The following DPYSL2 variants were observed in gnomAD, a reference collection of about 807,000 sequenced individuals.
The protein encoded by DPYSL2 is dihydropyrimidinase-related protein 2.
A neutral mutation model predicts 69.9 loss-of-function variants in DPYSL2; 13 were observed. The observed-to-expected ratio is 0.19, with a 90% CI of 0.12 to 0.30. The LOEUF is 0.30. DPYSL2 is among the 10% of genes least tolerant of loss of function. The pLI, the probability that DPYSL2 is intolerant of heterozygous loss-of-function variation, is 1.00. For missense variants in DPYSL2, 587 were observed against 918.9 expected, an observed-to-expected ratio of 0.64 and a Z score of 4.67; for synonymous variants, 326 against 359.1, an observed-to-expected ratio of 0.91 and a Z score of 1.04.
rs115790566 is a variant in DPYSL2 at position 26,650,007 on chromosome 8, A to C, written c.1596+2207A>C. Among the ~76,000 whole-genome samples, 309 of 152,350 alleles carry C rather than the reference A, an allele frequency of 2.0e-3. 1 individual carries two copies. The highest frequency in any genetic ancestry group is 7.0e-3 in the African/African-American group (291 of 41,586). ...ATTTATAAGCAACAAGACTCAACGC[A>C]TGCATTGTGTGAGATCTTGGATGCT... On this transcript the variant is annotated intron_variant, in intron 11 of 13. Coordinates refer to ENST00000521913, the MANE Select transcript of DPYSL2 (RefSeq NM_001197293.3). This position sits in a 1 kb window ranked among gnomAD's most constrained non-coding sequence, Gnocchi z 5.3.
At position 26,586,707 on chromosome 8, in the gene DPYSL2, C is replaced by A. The variant is rs1031005296; in HGVS notation, c.628+2724C>A. On this transcript the variant is annotated intron_variant, in intron 3 of 13. Transcript: ENST00000521913. The surrounding 1 kb of genome is among the most constrained non-coding windows in gnomAD (Gnocchi z 4.7). Reference sequence around the variant, plus strand: ...GGGACATCCCCCTCTGAGTGCAGCACCTGGCCCAGGGAGCTCAGAAGAGTC... The same window carrying A: ...GGGACATCCCCCTCTGAGTGCAGCAACTGGCCCAGGGAGCTCAGAAGAGTC... Among the ~76,000 whole-genome samples, 1 of 152,210 alleles carries A rather than the reference C, an allele frequency of 6.6e-6. No homozygotes were observed. The highest frequency in any genetic ancestry group is 6.5e-5 in the Admixed American group (1 of 15,290).
At chr8:26,595,376 G>C (rs1469406258) in intron 3 of DPYSL2, among the ~76,000 whole-genome samples, 2 of 151,976 alleles carry the variant, frequency 1.3e-5, no homozygotes, top group African/African-American at 4.8e-5. Context: ...AACACATCTG[G>C]CCCTGCAGAT....
rs384908 is a variant in DPYSL2 at position 26,585,409 on chromosome 8, C to T, written c.628+1426C>T. Among the ~76,000 whole-genome samples the T allele has an allele frequency of 0.51, 77,581 of 151,986 alleles. 20,897 individuals are homozygous for T. The highest frequency in any genetic ancestry group is 0.68 in the African/African-American group (28,202 of 41,440). ...TCCTCTGGCGTTCTCTCTGTCCTGG[C>T]CCTCAGGGTCTGAAGCATCAGGAAC... On this transcript the variant is annotated intron_variant, in intron 3 of 13. Coordinates refer to ENST00000521913, the MANE Select transcript of DPYSL2 (RefSeq NM_001197293.3). The surrounding 1 kb of genome is among the most constrained non-coding windows in gnomAD (Gnocchi z 4.0).
At chr8:26,639,330 T>C (rs964069548) in intron 8 of DPYSL2, among the ~76,000 whole-genome samples, 7 of 152,350 alleles carry the variant, frequency 4.6e-5, no homozygotes, top group South Asian at 4.1e-4. Flanking sequence ...ATGGCAAGTC[T>C]GAAATCTGCA....
In DPYSL2 at chr8:26,568,763, G is replaced by A. The variant is rs539366749; in HGVS notation, c.355-13206G>A. ...GAGTTCATAGTTACCCCTTTTCCTT[G>A]GCCGTTTTCAGAATCGACACAGATT... On this transcript the variant is annotated intron_variant, in intron 1 of 13. Transcript: ENST00000521913. Among the ~76,000 whole-genome samples the A allele has an allele frequency of 1.6e-3, 206 of 130,216 alleles. 2 individuals carry two copies. The East Asian group carries it at 0.036, about 23-fold the overall frequency. The allele number at this position is 130,216 out of a possible 152,430, so 85.4% of individuals were successfully genotyped here.
chr8:26,631,764 A>G lies in DPYSL2; in HGVS notation c.1006-3016A>G, dbSNP rs1802780204. ...AGCCATATGACAGCCCAGTGAGGCG[A>G]GGAGGGGGGATGCAGGGGGTTTGAA... is the stretch of plus-strand genomic sequence containing the variant. On this transcript the variant is annotated intron_variant, in intron 7 of 13. Coordinates refer to ENST00000521913, the MANE Select transcript of DPYSL2 (RefSeq NM_001197293.3). Among the ~76,000 whole-genome samples the G allele has an allele frequency of 2.0e-5, 3 of 151,970 alleles. No individual in the cohort carries two copies. The South Asian group carries it at 6.2e-4, about 32-fold the overall frequency.
At chr8:26,618,303 G>A (rs1212491538) in intron 3 of DPYSL2, among the ~76,000 whole-genome samples, 1 of 131,632 alleles carries the variant, frequency 7.6e-6, no homozygotes, top group African/African-American at 2.7e-5. Context: ...TGCATGGTAT[G>A]TGGTTTTACG....
chr8:26,577,988 TCTC>T, intron 1 of DPYSL2: 1 of 1,305,570 alleles, frequency 7.7e-7, no homozygotes, highest in African/African-American at 1.7e-5. Context: ...TGTTTCTCTC[TCTC>T]CTTCTCTCTC....
Position 26,627,792 on chromosome 8 carries a change from A to T in DPYSL2, c.937-80A>T. The T allele has an allele frequency of 7.1e-7, 1 of 1,415,544 alleles. No individual in the cohort carries two copies. Among genetic ancestry groups the T allele is most frequent in the Non-Finnish European group, 9.8e-7 (1 of 1,019,300 alleles). 87.7% of individuals were successfully genotyped at this position (1,415,544 alleles called of 1,614,324 possible). A position where few individuals can be genotyped will look rare whatever the true frequency, so the allele number is the denominator to read the frequency against. ...GGTAATTTTCCATCTTGCCCGGATAACTGCATGCCCGGGCCTCTGCCATCA... is the reference window on the plus strand; with the variant it reads ...GGTAATTTTCCATCTTGCCCGGATATCTGCATGCCCGGGCCTCTGCCATCA... On this transcript the variant is annotated intron_variant, in intron 6 of 13. Transcript: ENST00000521913. The surrounding 1 kb of genome is among the most constrained non-coding windows in gnomAD (Gnocchi z 6.9).
At chr8:26,532,937 C>T (rs1033750385) in intron 1 of DPYSL2, among the ~76,000 whole-genome samples, 2 of 152,116 alleles carry the variant, frequency 1.3e-5, no homozygotes, top group Non-Finnish European at 2.9e-5. Context: ...TGAGGAACTG[C>T]CAAACTGTTT....
intron 7 of DPYSL2, among the ~76,000 whole-genome samples, chr8:26,631,590 G>A (rs1802775758): frequency 6.6e-6 from 1 of 152,204 alleles, no homozygotes; most frequent in Non-Finnish European, 1.5e-5. Flanking sequence ...ATTAGGCCCA[G>A]CAGCTGTTGC....
chr8:26,589,523 A>G (rs1209348564), intron 3 of DPYSL2, among the ~76,000 whole-genome samples: 6 of 152,228 alleles, frequency 3.9e-5, no homozygotes, highest in Admixed American at 3.9e-4. Flanking sequence ...TGATGCCAAG[A>G]GACTTAGTGT....
intron 3 of DPYSL2, among the ~76,000 whole-genome samples, chr8:26,595,308 A>AT (rs573304221): frequency 2.3e-4 from 34 of 149,454 alleles, no homozygotes; most frequent in Middle Eastern, 3.4e-3. Context: ...ACTTTTCGCT[A>AT]TTTTTTTTTT....
At chr8:26,555,721 C>CA (rs777981972) in intron 1 of DPYSL2, among the ~76,000 whole-genome samples, 180 of 150,706 alleles carry the variant, frequency 1.2e-3, no homozygotes, top group Non-Finnish European at 2.1e-3. Context: ...CTCATCTCTA[C>CA]AAAAAAATAC....
chr8:26,579,467 T>C (rs1563394705), intron 1 of DPYSL2, among the ~76,000 whole-genome samples: 1 of 152,228 alleles, frequency 6.6e-6, no homozygotes, highest in Non-Finnish European at 1.5e-5. Context: ...GGGTAGAACC[T>C]AGGACTGAGG....
chr8:26,537,535 A>T (rs1464158550), intron 1 of DPYSL2, among the ~76,000 whole-genome samples: 1 of 151,892 alleles, frequency 6.6e-6, no homozygotes, highest in Non-Finnish European at 1.5e-5. Flanking sequence ...AATGATGCAG[A>T]ATTTTTGTAG....
Position 26,644,301 on chromosome 8 carries a change from T to G in DPYSL2, c.1425+210T>G, listed in dbSNP as rs1803114455. ...CCTAAATATTACATATATATTTCTT[T>G]TTAAAACAATTTTTAAATTTTTTTC... On this transcript the variant is annotated intron_variant, in intron 10 of 13. Coordinates refer to ENST00000521913, the MANE Select transcript of DPYSL2 (RefSeq NM_001197293.3). The surrounding 1 kb of genome is among the most constrained non-coding windows in gnomAD (Gnocchi z 4.5). 6.6e-6 allele frequency among the ~76,000 whole-genome samples: 1 copy of G among 152,182 alleles called. No homozygotes were observed. The highest frequency in any genetic ancestry group is 1.5e-5 in the Non-Finnish European group (1 of 68,026).
Position 26,516,627 on chromosome 8 carries a change from C to T in DPYSL2, c.354+1948C>T, listed in dbSNP as rs903125823. 2.6e-5 allele frequency among the ~76,000 whole-genome samples: 4 copies of T among 152,140 alleles called. No individual in the cohort carries two copies. The highest frequency in any genetic ancestry group is 6.5e-5 in the Admixed American group (1 of 15,284). On this transcript the variant is annotated intron_variant, in intron 1 of 13. Transcript: ENST00000521913. The surrounding 1 kb of genome is among the most constrained non-coding windows in gnomAD (Gnocchi z 4.8). Reference sequence around the variant, plus strand: ...AATTCTAAATTGTAAAACTAAGGCACGCAGAGGGGGAGATTTGAAGAGAAA... The same window carrying T: ...AATTCTAAATTGTAAAACTAAGGCATGCAGAGGGGGAGATTTGAAGAGAAA...
At chr8:26,563,849 G>GTGAA (rs57663458) in intron 1 of DPYSL2, among the ~76,000 whole-genome samples, 21,442 of 151,816 alleles carry the variant, frequency 0.14, 1,593 homozygotes, top group African/African-American at 0.18. Flanking sequence ...TGCTGGATGA[G>GTGAA]TGAATGAATG....
Sources: gnomAD v4.1 joint callset for allele counts (sites outside exome capture counted in the v4.1 genomes callset) on GRCh38, gnomAD v4.1.1 for gene constraint, Gnocchi (gnomAD v3.1) non-coding constraint, MANE v1.5 for transcripts, NCBI Gene and HGNC (gene_info 2026-07-23, HGNC 2026-07-21) for gene names.